SOX5: variants seen among roughly 807,000 people sequenced by gnomAD.
SOX5 encodes the protein SRY-box transcription factor 5, also known as transcription factor SOX-5.
Under a neutral mutation model 92.0 loss-of-function variants are expected in SOX5, and 9 were observed. The observed-to-expected ratio is 0.10, with a 90% CI of 0.06 to 0.17. The LOEUF (loss-of-function observed/expected upper bound fraction) is 0.17, where lower values mean the gene tolerates loss of function less well. SOX5 is among the 10% of genes least tolerant of loss of function. SOX5 has a pLI of 1.00. For missense variants in SOX5, 642 were observed against 944.5 expected (o/e 0.68, Z 4.20); for synonymous variants, 344 against 336.3 (o/e 1.02, Z -0.25).
At chr12:23,930,146 A>G (rs982391109) in intron 1 of SOX5, among the ~76,000 whole-genome samples, 4 of 151,882 alleles carry the variant, frequency 2.6e-5, no homozygotes, top group African/African-American at 9.7e-5. Flanking sequence ...TGTGGGGAGG[A>G]GGGCAACATG....
intron 1 of SOX5, among the ~76,000 whole-genome samples, chr12:24,409,609 T>C (rs1963687731): frequency 6.6e-6 from 1 of 152,172 alleles, no homozygotes; most frequent in African/African-American, 2.4e-5. Context: ...TGTTGTTTTT[T>C]CCTCCCCCAA....
intron 4 of SOX5, among the ~76,000 whole-genome samples, chr12:24,125,201 G>A (rs1336533286): frequency 6.6e-6 from 1 of 152,146 alleles, no homozygotes; most frequent in Non-Finnish European, 1.5e-5. Context: ...GAATCTCAGA[G>A]CAATTTCATG....
chr12:23,757,757 C>A (rs1007801025), intron 3 of SOX5, among the ~76,000 whole-genome samples: 2 of 151,802 alleles, frequency 1.3e-5, no homozygotes, highest in Non-Finnish European at 1.5e-5. Context: ...AAAAGCAGAC[C>A]ATTTTACTTT....
chr12:24,048,936 T>C (rs1010081815), intron 4 of SOX5, among the ~76,000 whole-genome samples: 1 of 152,226 alleles, frequency 6.6e-6, no homozygotes, highest in African/African-American at 2.4e-5. Flanking sequence ...TTAGCTTTGA[T>C]TGTGGTGATG....
chr12:24,081,236 C>CA (rs1210342543), intron 4 of SOX5, among the ~76,000 whole-genome samples: 1 of 151,782 alleles, frequency 6.6e-6, no homozygotes, highest in Non-Finnish European at 1.5e-5. Context: ...TCACTCCTTG[C>CA]AAAAAAATGC....
At chr12:23,766,213 A>C (rs964786230) in intron 3 of SOX5, among the ~76,000 whole-genome samples, 2 of 152,178 alleles carry the variant, frequency 1.3e-5, no homozygotes, top group African/African-American at 2.4e-5. Context: ...GACAACCAAA[A>C]ACGGGAGCAG....
intron 4 of SOX5, among the ~76,000 whole-genome samples, chr12:24,210,519 CAG>C (rs1958491028): frequency 6.6e-6 from 1 of 152,154 alleles, no homozygotes; most frequent in Admixed American, 6.5e-5. Context: ...AGATAAAATT[CAG>C]GACTTCTTTC....
intron 4 of SOX5, among the ~76,000 whole-genome samples, chr12:23,990,295 A>T (rs1950447554): frequency 2.0e-5 from 3 of 152,182 alleles, no homozygotes; most frequent in Admixed American, 6.5e-5. Flanking sequence ...ACTCTTCTCC[A>T]TAAACCCTTC....
chr12:23,919,280 A>G (rs900178076), intron 1 of SOX5, among the ~76,000 whole-genome samples: 1 of 152,222 alleles, frequency 6.6e-6, no homozygotes, highest in Non-Finnish European at 1.5e-5. Flanking sequence ...ATGAAAAACC[A>G]AAAATCTGGA....
chr12:23,703,902 A>C (rs539831307), intron 6 of SOX5, among the ~76,000 whole-genome samples: 73 of 152,118 alleles, frequency 4.8e-4, no homozygotes, highest in Non-Finnish European at 2.5e-4. Flanking sequence ...AGCAAACTGC[A>C]CATACTATGT....
At chr12:24,072,362 A>G (rs1941908874) in intron 4 of SOX5, among the ~76,000 whole-genome samples, 1 of 152,236 alleles carries the variant, frequency 6.6e-6, no homozygotes, top group African/African-American at 2.4e-5. Context: ...AGATTGTATG[A>G]TAATTTATAT....
intron 5 of SOX5, 93 bp from the exon 6 acceptor site, chr12:23,734,845 C>T (rs1033770061): frequency 2.9e-5 from 27 of 927,850 alleles, no homozygotes; most frequent in Non-Finnish European, 4.3e-5. Context: ...TGATTTGACA[C>T]TGATTAAGAT....
At chr12:23,602,624 T>G (rs557370344) in intron 9 of SOX5, among the ~76,000 whole-genome samples, 1 of 151,960 alleles carries the variant, frequency 6.6e-6, no homozygotes, top group Non-Finnish European at 1.5e-5. Flanking sequence ...ACGTAAAGCC[T>G]CATTACGAAA....
intron 4 of SOX5, among the ~76,000 whole-genome samples, chr12:24,007,025 C>T (rs893746708): frequency 1.3e-5 from 2 of 149,936 alleles, no homozygotes; most frequent in Non-Finnish European, 3.0e-5. Context: ...CCCAGCTACT[C>T]GGGAGGCTGA....
chr12:23,780,046 C>T (rs2095242306), intron 3 of SOX5, among the ~76,000 whole-genome samples: 1 of 149,454 alleles, frequency 6.7e-6, no homozygotes, highest in South Asian at 2.1e-4. Context: ...GATACAAGCA[C>T]CTTTCCCTAA....
chr12:24,067,505 G>A (rs1245216189), intron 4 of SOX5, among the ~76,000 whole-genome samples: 2 of 151,996 alleles, frequency 1.3e-5, no homozygotes, highest in Admixed American at 6.6e-5. Flanking sequence ...CTAGAAGTTA[G>A]AATGATTGCA....
chr12:23,916,644 A>T (rs1281006209), intron 1 of SOX5, among the ~76,000 whole-genome samples: 1 of 152,220 alleles, frequency 6.6e-6, no homozygotes, highest in Non-Finnish European at 1.5e-5. Context: ...TTTATACTTC[A>T]ATGTTACCAA....
At chr12:24,028,792 C>G (rs1592481276) in intron 4 of SOX5, among the ~76,000 whole-genome samples, 2 of 151,932 alleles carry the variant, frequency 1.3e-5, no homozygotes, top group East Asian at 1.9e-4. Context: ...TTATAAGTCC[C>G]TTTGGATGAC....
chr12:23,603,296 TTTAATA>T (rs1302084881), intron 9 of SOX5, among the ~76,000 whole-genome samples: 4 of 151,644 alleles, frequency 2.6e-5, no homozygotes. Flanking sequence ...ATTTTTCTCT[TTTAATA>T]TTTTCTAATC....
Sources: gnomAD v4.1 joint callset for allele counts (sites outside exome capture counted in the v4.1 genomes callset) on GRCh38, gnomAD v4.1.1 for gene constraint, MANE v1.5 for transcripts, NCBI Gene and HGNC (gene_info 2026-07-23, HGNC 2026-07-21) for gene names.